Variants in PPP3CC observed in about 807,000 individuals in gnomAD.
The protein encoded by PPP3CC is serine/threonine-protein phosphatase 2B catalytic subunit gamma isoform.
Under a neutral mutation model 60.3 loss-of-function variants are expected in PPP3CC, and 35 were observed. The ratio of observed to expected loss-of-function variants is 0.58; its 90% CI spans 0.44 to 0.77. The LOEUF is 0.77. Ranked by LOEUF, PPP3CC falls within the 30% of genes least tolerant of loss-of-function variation. The pLI is 0.00. For missense variants in PPP3CC, 570 were observed against 628.9 expected (o/e 0.91, Z 1.00); for synonymous variants, 206 against 224.3 (o/e 0.92, Z 0.73).
At chr8:22,523,578 TATTCC>T in intron 8 of PPP3CC, 1 of 425,626 alleles carries the variant, frequency 2.3e-6, no homozygotes, top group Admixed American at 2.6e-5. Context: ...GCTACACACC[TATTCC>T]AACAATGCTG....
intron 1 of PPP3CC, among the ~76,000 whole-genome samples, chr8:22,457,035 T>TTCCTTCCCCTC (rs1837219538): frequency 3.9e-5 from 2 of 51,618 alleles, no homozygotes; most frequent in African/African-American, 1.5e-4. Flanking sequence ...CTTCCTCCCT[T>TTCCTTCCCCTC]CCTCCCTCCC....
At chr8:22,519,682 T>A (rs577394820) in intron 6 of PPP3CC, among the ~76,000 whole-genome samples, 143 of 152,272 alleles carry the variant, frequency 9.4e-4, no homozygotes, top group South Asian at 2.9e-3. Context: ...TGAGACAGGG[T>A]CTTGCTCTGT....
chr8:22,493,597 G>GCGCA (rs1425839345), intron 3 of PPP3CC, among the ~76,000 whole-genome samples: 1 of 151,916 alleles, frequency 6.6e-6, no homozygotes, highest in African/African-American at 2.4e-5. Flanking sequence ...ACATGCACGT[G>GCGCA]CGCACGCATC....
intron 3 of PPP3CC, among the ~76,000 whole-genome samples, chr8:22,484,440 C>T (rs1365448299): frequency 1.3e-5 from 2 of 152,204 alleles, no homozygotes; most frequent in South Asian, 2.1e-4. Flanking sequence ...TAGTAAAACA[C>T]TCACCAATTT....
intron 4 of PPP3CC, among the ~76,000 whole-genome samples, chr8:22,500,608 T>C (rs1042695776): frequency 5.3e-5 from 8 of 152,226 alleles, no homozygotes; most frequent in African/African-American, 1.2e-4. Flanking sequence ...GAATTCTTGC[T>C]ACCAGTATCT....
intron 3 of PPP3CC, among the ~76,000 whole-genome samples, chr8:22,483,998 C>A (rs937251359): frequency 6.6e-6 from 1 of 151,538 alleles, no homozygotes; most frequent in African/African-American, 2.4e-5. Flanking sequence ...TGTGCTACCA[C>A]ACTTGGCTAA....
chr8:22,522,578 A>T lies in PPP3CC; in HGVS notation c.848+10A>T. The T allele has an allele frequency of 6.2e-7, 1 of 1,604,546 alleles. No individual in the cohort carries two copies. On this transcript the variant is annotated intron_variant, in intron 7 of 13. Coordinates refer to ENST00000240139, the MANE Select transcript of PPP3CC (RefSeq NM_005605.5). ...AAGCCCAAGATGCTGGGTAAGTTAC[A>T]TTAAAATTGTACCAAATATCGCTGC...
chr8:22,493,130 T>G (rs1487447333), intron 3 of PPP3CC: 2 of 1,550,110 alleles, frequency 1.3e-6, no homozygotes, highest in Non-Finnish European at 8.8e-7. Context: ...AGTCAACTTC[T>G]GAAGATAAAA....
In PPP3CC at chr8:22,441,467, C is replaced by A; in HGVS notation, c.49+9C>A. 2 of 1,532,038 alleles carry A rather than the reference C, an allele frequency of 1.3e-6. No homozygotes were observed. Among genetic ancestry groups the A allele is most frequent in the Non-Finnish European group, 1.8e-6 (2 of 1,138,328 alleles). The allele number at this position is 1,532,038 out of a possible 1,614,324, so 94.9% of individuals were successfully genotyped here. ...CGACCGCGTCATCAAAGGTGCCTGG[C>A]GGGCCGGGCCTTCCTCTGGGACCCG... On this transcript the variant is annotated intron_variant, in intron 1 of 13. Transcript: ENST00000240139.
intron 10 of PPP3CC, chr8:22,531,406 G>A (rs1225381865): frequency 2.2e-6 from 3 of 1,376,146 alleles, no homozygotes; most frequent in East Asian, 2.5e-5. Flanking sequence ...CTTAAAATTG[G>A]TAGTTGAATA....
intron 1 of PPP3CC, among the ~76,000 whole-genome samples, chr8:22,461,645 T>C (rs1164211904): frequency 6.6e-6 from 1 of 151,928 alleles, no homozygotes; most frequent in Admixed American, 6.6e-5. Flanking sequence ...TAGTCAAAAA[T>C]AAGTTACACT....
At chr8:22,496,458 A>G (rs1405872550) in intron 3 of PPP3CC, among the ~76,000 whole-genome samples, 1 of 112,126 alleles carries the variant, frequency 8.9e-6, no homozygotes, top group African/African-American at 3.3e-5. Context: ...TTCATGACTT[A>G]TAAGTTAAAT....
chr8:22,445,630 A>G (rs186742451), intron 1 of PPP3CC, among the ~76,000 whole-genome samples: 2 of 152,322 alleles, frequency 1.3e-5, no homozygotes, highest in East Asian at 3.9e-4. Context: ...AATGGTTTCA[A>G]TCAGCATGGA....
intron 12 of PPP3CC, 35 bp from the exon 13 acceptor site, chr8:22,539,434 C>T (rs1328828330): frequency 9.3e-6 from 15 of 1,611,434 alleles, no homozygotes; most frequent in Admixed American, 1.7e-5. Flanking sequence ...TTTCTGTCTT[C>T]GTTTTTGCAT....
intron 1 of PPP3CC, 27 bp downstream of exon 1, chr8:22,441,485 G>T: frequency 6.6e-7 from 1 of 1,518,154 alleles, no homozygotes; most frequent in East Asian, 2.6e-5. Context: ...GCCTTCCTCT[G>T]GGACCCGCGG....
At chr8:22,520,520 C>G in intron 6 of PPP3CC, among the ~76,000 whole-genome samples, 1 of 151,764 alleles carries the variant, frequency 6.6e-6, no homozygotes, top group Non-Finnish European at 1.5e-5. Context: ...TTCTTTTTGT[C>G]CCTCTAATGC....
chr8:22,446,307 G>C (rs1391251020), intron 1 of PPP3CC, among the ~76,000 whole-genome samples: 1 of 151,564 alleles, frequency 6.6e-6, no homozygotes, highest in African/African-American at 2.4e-5. Flanking sequence ...CAACAGTGGG[G>C]AAAATATGAC....
intron 1 of PPP3CC, among the ~76,000 whole-genome samples, chr8:22,462,605 C>G (rs1177388875): frequency 6.7e-6 from 1 of 148,928 alleles, no homozygotes; most frequent in East Asian, 2.0e-4. Flanking sequence ...GAGTCTTGCT[C>G]TGTTGCCCAG....
At chr8:22,480,449 G>C (rs1446724261) in intron 3 of PPP3CC, among the ~76,000 whole-genome samples, 4 of 152,082 alleles carry the variant, frequency 2.6e-5, no homozygotes, top group Admixed American at 2.6e-4. Flanking sequence ...CTTTCCAGGG[G>C]CTGAACTGGA....
Sources: allele counts gnomAD v4.1 joint callset (sites outside exome capture counted in the v4.1 genomes callset), GRCh38; gene constraint gnomAD v4.1.1; transcripts MANE v1.5; gene names NCBI Gene and HGNC (gene_info 2026-07-23, HGNC 2026-07-21).